The following ZCCHC14 variants were observed in gnomAD, a reference collection of about 807,000 sequenced individuals.
The protein encoded by ZCCHC14 is zinc finger CCHC-type containing 14, also known as zinc finger CCHC domain-containing protein 14.
Under a neutral mutation model 85.0 loss-of-function variants are expected in ZCCHC14, and 16 were observed. That is an observed-to-expected ratio of 0.19 (90% CI 0.13 to 0.29). The LOEUF (loss-of-function observed/expected upper bound fraction) is 0.29, where lower values mean the gene tolerates loss of function less well. Ranked by LOEUF, ZCCHC14 falls within the 10% of genes least tolerant of loss-of-function variation. ZCCHC14 has a pLI of 1.00. For missense variants in ZCCHC14, 1,303 were observed against 1,443.5 expected (o/e 0.90, Z 1.58); for synonymous variants, 775 against 630.7 (o/e 1.23, Z -3.43).
Position 87,492,346 on chromosome 16 carries a change from C to G in ZCCHC14, c.-108G>C, listed in dbSNP as rs1273634974. 1.1e-5 allele frequency: 3 copies of G among 262,266 alleles called. No individual in the cohort carries two copies. The highest frequency in any genetic ancestry group is 1.7e-5 in the Non-Finnish European group (3 of 174,604). The allele number at this position is 262,266 out of a possible 1,614,324, so 16.2% of individuals were successfully genotyped here. On this transcript the variant is annotated 5_prime_UTR_variant, in exon 1 of 13. Transcript: ENST00000671377. This position sits in a 1 kb window ranked among gnomAD's most constrained non-coding sequence, Gnocchi z 6.7. ...GCGCCGGGACCGGGGACGCGCGGGC[C>G]GGGGCCGGGTCCGGGCGAGGGCGCG... is the stretch of plus-strand genomic sequence containing the variant.
chr16:87,418,865 A>G lies in ZCCHC14; in HGVS notation c.1082T>C (p.Val361Ala). The change falls in exon 7 of 13, where the codon GTG becomes GCG. Residue 361 changes from valine to alanine, a missense_variant. By Grantham distance (64) the Val-to-Ala change is moderately conservative (BLOSUM62 0). Around this residue, in one of 7 missense-constraint regions of ZCCHC14, gnomAD observed 389 missense variants for 397.8 expected, o/e 0.98. Coordinates refer to ENST00000671377, the MANE Select transcript of ZCCHC14 (RefSeq NM_015144.3). ...TTCTCACCTTCCAGACACGCCCATC[A>G]CGGTACCTACTTTAGAAAGGGAGGG... Reference protein sequence around the residue: ...GNPSLSKVGTVMGVSGRPVCG... With the variant: ...GNPSLSKVGTAMGVSGRPVCG... The G allele has an allele frequency of 6.2e-7, 1 of 1,613,514 alleles. No homozygotes were observed. The highest frequency in any genetic ancestry group is 2.2e-5 in the East Asian group (1 of 44,866).
At chr16:87,469,016 G>A (rs1048660422) in intron 1 of ZCCHC14, among the ~76,000 whole-genome samples, 2 of 152,210 alleles carry the variant, frequency 1.3e-5, no homozygotes, top group African/African-American at 2.4e-5. Flanking sequence ...GGTGCCAATG[G>A]AATGCCTACG....
chr16:87,431,570 C>A (rs1041634629), intron 3 of ZCCHC14, among the ~76,000 whole-genome samples: 1 of 152,126 alleles, frequency 6.6e-6, no homozygotes, highest in African/African-American at 2.4e-5. Context: ...CTGTGTGGAC[C>A]TGACTCCTGA....
At chr16:87,485,977 T>C (rs1291703450) in intron 1 of ZCCHC14, among the ~76,000 whole-genome samples, 7 of 152,238 alleles carry the variant, frequency 4.6e-5, no homozygotes, top group Non-Finnish European at 8.8e-5. Flanking sequence ...TTACTCATCA[T>C]ACCCAAATAT....
intron 2 of ZCCHC14, among the ~76,000 whole-genome samples, chr16:87,439,292 C>T (rs1910075188): frequency 6.6e-6 from 1 of 152,106 alleles, no homozygotes; most frequent in African/African-American, 2.4e-5. Context: ...CACCACCATG[C>T]CCAGCTAATT....
chr16:87,443,537 A>G (rs1910285717), intron 2 of ZCCHC14, among the ~76,000 whole-genome samples: 2 of 152,016 alleles, frequency 1.3e-5, no homozygotes, highest in African/African-American at 2.4e-5. Context: ...GAAGTTAGAG[A>G]CTAGCCTGGG....
At chr16:87,433,490 GC>G (rs553157994) in intron 2 of ZCCHC14, among the ~76,000 whole-genome samples, 5 of 152,302 alleles carry the variant, frequency 3.3e-5, no homozygotes, top group Admixed American at 2.6e-4. Context: ...CCCAGTGAGA[GC>G]CCAGCAGTAG....
intron 1 of ZCCHC14, among the ~76,000 whole-genome samples, chr16:87,464,981 C>T (rs139041352): frequency 1.7e-3 from 257 of 152,320 alleles, no homozygotes; most frequent in African/African-American, 5.8e-3. Context: ...CTCTCTTCCT[C>T]TCCACAGCCA....
Position 87,440,880 on chromosome 16 carries a change from A to C in ZCCHC14, c.695-7679T>G, listed in dbSNP as rs537822686. ...TCTGCCTGCCTTGGCCTCCCAAAGTACTGGGCTTACAGGCCTGCACCTTCA... is the reference window on the plus strand; with the variant it reads ...TCTGCCTGCCTTGGCCTCCCAAAGTCCTGGGCTTACAGGCCTGCACCTTCA... On this transcript the variant is annotated intron_variant, in intron 2 of 12. Coordinates refer to ENST00000671377, the MANE Select transcript of ZCCHC14 (RefSeq NM_015144.3). Among the ~76,000 whole-genome samples the C allele has an allele frequency of 7.3e-5, 11 of 150,494 alleles. No homozygotes were observed. The South Asian group carries it at 1.3e-3, about 17-fold the overall frequency.
Position 87,492,913 on chromosome 16 carries a change from G to A in ZCCHC14, c.-675C>T, listed in dbSNP as rs868784167. On this transcript the variant is annotated 5_prime_UTR_variant, in exon 1 of 13. Transcript: ENST00000671377. This position sits in a 1 kb window ranked among gnomAD's most constrained non-coding sequence, Gnocchi z 6.7. ...GGACGGATCCGGGCCCGAGCGCGGCGGCGGCGGCGACGGCGACGGCGACGG... is the reference window on the plus strand; with the variant it reads ...GGACGGATCCGGGCCCGAGCGCGGCAGCGGCGGCGACGGCGACGGCGACGG... Among the ~76,000 whole-genome samples, 2 of 142,532 alleles carry A rather than the reference G, an allele frequency of 1.4e-5. No individual in the cohort carries two copies. Among genetic ancestry groups the A allele is most frequent in the African/African-American group, 5.3e-5 (2 of 37,504 alleles). 93.5% of individuals were successfully genotyped at this position (142,532 alleles called of 152,430 possible).
chr16:87,451,775 A>G (rs1910717261), intron 2 of ZCCHC14, among the ~76,000 whole-genome samples: 1 of 152,194 alleles, frequency 6.6e-6, no homozygotes, highest in Non-Finnish European at 1.5e-5. Flanking sequence ...TCAGGAGCTG[A>G]TACAGGGAAG....
At chr16:87,459,906 T>C in intron 2 of ZCCHC14, 102 bp downstream of exon 2, 1 of 1,523,450 alleles carries the variant, frequency 6.6e-7, no homozygotes, top group Non-Finnish European at 8.9e-7. Flanking sequence ...GATTGGCATT[T>C]ATGAAAGATC....
In ZCCHC14 at chr16:87,452,546, CAAG is replaced by C. The variant is rs200259733; in HGVS notation, c.694+7459_694+7461del. Among the ~76,000 whole-genome samples, 762 of 152,004 alleles carry C rather than the reference CAAG, an allele frequency of 5.0e-3. 21 individuals carry two copies. The highest frequency in any genetic ancestry group is 0.041 in the Admixed American group (622 of 15,278). Reference sequence around the variant, plus strand: ...CGGGACCACCAGCCTTTGAGGGACACAAGAAGAGGGAATTTCAAAGGAAACAGA... The same window carrying C: ...CGGGACCACCAGCCTTTGAGGGACACAAGAGGGAATTTCAAAGGAAACAGA... On this transcript the variant is annotated intron_variant, in intron 2 of 12. Transcript: ENST00000671377.
Position 87,420,249 on chromosome 16 carries a change from C to A in ZCCHC14, c.950+358G>T, listed in dbSNP as rs1271597620. ...ACTTCGTGTGCCACGTGAGCCAAGA[C>A]ACGATCGAGGGTCCAGAGAAACTGT... On this transcript the variant is annotated intron_variant, in intron 5 of 12. Coordinates refer to ENST00000671377, the MANE Select transcript of ZCCHC14 (RefSeq NM_015144.3). The surrounding 1 kb of genome is among the most constrained non-coding windows in gnomAD (Gnocchi z 5.0). 6.6e-6 allele frequency among the ~76,000 whole-genome samples: 1 copy of A among 152,222 alleles called. No individual in the cohort carries two copies. The highest frequency in any genetic ancestry group is 2.4e-5 in the African/African-American group (1 of 41,462).
chr16:87,469,877 C>T (rs543131451), intron 1 of ZCCHC14, among the ~76,000 whole-genome samples: 3 of 152,184 alleles, frequency 2.0e-5, no homozygotes, highest in Non-Finnish European at 4.4e-5. Context: ...TCCGTGTTCC[C>T]TGCACTGGGG....
At chr16:87,444,898 T>C (rs368860584) in intron 2 of ZCCHC14, among the ~76,000 whole-genome samples, 2 of 152,154 alleles carry the variant, frequency 1.3e-5, no homozygotes, top group Admixed American at 1.3e-4. Context: ...GACATCTCAA[T>C]GCCAACTTCC....
intron 3 of ZCCHC14, among the ~76,000 whole-genome samples, chr16:87,430,413 C>T (rs1476476464): frequency 6.6e-6 from 1 of 152,184 alleles, no homozygotes; most frequent in Non-Finnish European, 1.5e-5. Context: ...GCGTTGTGAT[C>T]CTGCTGTTCG....
At chr16:87,428,685 T>TC (rs1909497633) in intron 3 of ZCCHC14, among the ~76,000 whole-genome samples, 1 of 152,208 alleles carries the variant, frequency 6.6e-6, no homozygotes, top group Non-Finnish European at 1.5e-5. Flanking sequence ...CCCTGAGGTG[T>TC]CCTCCAGCCC....
At position 87,451,578 on chromosome 16, in the gene ZCCHC14, A is replaced by G. The variant is rs1341309137; in HGVS notation, c.694+8430T>C. Among the ~76,000 whole-genome samples the G allele has an allele frequency of 5.2e-5, 8 of 152,386 alleles. No individual in the cohort carries two copies. In the East Asian group the frequency reaches 1.5e-3, roughly 29 times the overall value. On this transcript the variant is annotated intron_variant, in intron 2 of 12. Coordinates refer to ENST00000671377, the MANE Select transcript of ZCCHC14 (RefSeq NM_015144.3). ...AAGTCACTTATTTACATATTAAGGTAAACATTCTGCTCGGCATTAGTACGT... is the reference window on the plus strand; with the variant it reads ...AAGTCACTTATTTACATATTAAGGTGAACATTCTGCTCGGCATTAGTACGT...
Sources: gnomAD v4.1 joint callset for allele counts (sites outside exome capture counted in the v4.1 genomes callset) on GRCh38, gnomAD v4.1.1 for gene constraint, gnomAD v4.1.1 regional missense constraint, Gnocchi (gnomAD v3.1) non-coding constraint, MANE v1.5 for transcripts, NCBI Gene and HGNC (gene_info 2026-07-23, HGNC 2026-07-21) for gene names.